Variants in THSD7A observed in about 807,000 individuals in gnomAD.
THSD7A encodes thrombospondin type-1 domain-containing protein 7A.
A neutral mutation model predicts 231.3 loss-of-function variants in THSD7A; 96 were observed. That is an observed-to-expected ratio of 0.41 (90% CI 0.35 to 0.49). The LOEUF (loss-of-function observed/expected upper bound fraction) is 0.49, where lower values mean the gene tolerates loss of function less well. THSD7A is among the 20% of genes least tolerant of loss of function. The probability of loss-of-function intolerance (pLI) is 0.05; values close to 1 mark genes in which losing one functional copy is unlikely to be tolerated. For missense variants in THSD7A, 2,290 were observed against 2,070.2 expected (o/e 1.11, Z -2.06); for synonymous variants, 940 against 743.3 (o/e 1.26, Z -4.30).
chr7:11,402,932 T>C (rs1783455471), intron 22 of THSD7A, among the ~76,000 whole-genome samples: 1 of 152,226 alleles, frequency 6.6e-6, no homozygotes, highest in African/African-American at 2.4e-5. Context: ...ACAAGTCTTT[T>C]GATGAACTTA....
intron 4 of THSD7A, among the ~76,000 whole-genome samples, chr7:11,589,505 A>C (rs1389913988): frequency 6.6e-6 from 1 of 152,122 alleles, no homozygotes; most frequent in Non-Finnish European, 1.5e-5. Context: ...CTCATTCTGA[A>C]ACTTGGTTGT....
At chr7:11,571,682 AT>A (rs1351502159) in intron 4 of THSD7A, among the ~76,000 whole-genome samples, 1 of 151,998 alleles carries the variant, frequency 6.6e-6, no homozygotes, top group Non-Finnish European at 1.5e-5. Context: ...TTTGAAGACT[AT>A]TTTCACCAAA....
chr7:11,695,247 A>G (rs1032476580), intron 1 of THSD7A, among the ~76,000 whole-genome samples: 1 of 151,562 alleles, frequency 6.6e-6, no homozygotes, highest in Non-Finnish European at 1.5e-5. Context: ...AAAACATAGT[A>G]TACCAAGAAT....
chr7:11,762,555 C>G (rs1379053978), intron 1 of THSD7A, among the ~76,000 whole-genome samples: 1 of 152,062 alleles, frequency 6.6e-6, no homozygotes, highest in Non-Finnish European at 1.5e-5. Context: ...TGTTCGTGTC[C>G]TTTGCCCACT....
intron 2 of THSD7A, among the ~76,000 whole-genome samples, chr7:11,600,795 A>G (rs776939526): frequency 3.9e-5 from 6 of 152,238 alleles, no homozygotes; most frequent in Admixed American, 3.3e-4. Context: ...CTCATGTTCA[A>G]TCTTCTTAAT....
intron 2 of THSD7A, among the ~76,000 whole-genome samples, chr7:11,620,723 A>G (rs939583371): frequency 3.3e-5 from 5 of 152,180 alleles, no homozygotes; most frequent in Admixed American, 1.3e-4. Context: ...ATATGAAAAA[A>G]CACATGCTTA....
intron 7 of THSD7A, among the ~76,000 whole-genome samples, chr7:11,480,106 T>C (rs1786361462): frequency 6.6e-6 from 1 of 152,226 alleles, no homozygotes. Context: ...TGATTTACTA[T>C]ATAAACATCT....
intron 1 of THSD7A, among the ~76,000 whole-genome samples, chr7:11,703,126 G>C (rs1780656709): frequency 6.6e-6 from 1 of 151,182 alleles, no homozygotes; most frequent in Admixed American, 6.6e-5. Flanking sequence ...AATGGCTCTT[G>C]CTTCAGTTTC....
chr7:11,756,682 T>G (rs1782688187), intron 1 of THSD7A, among the ~76,000 whole-genome samples: 1 of 152,110 alleles, frequency 6.6e-6, no homozygotes, highest in Non-Finnish European at 1.5e-5. Flanking sequence ...TGCATGGATT[T>G]GCTTGTTTCT....
At chr7:11,526,785 G>A (rs1365834815) in intron 6 of THSD7A, among the ~76,000 whole-genome samples, 1 of 152,026 alleles carries the variant, frequency 6.6e-6, no homozygotes, top group Non-Finnish European at 1.5e-5. Context: ...TCTGAGTGAG[G>A]CCTCTTCAGG....
At chr7:11,706,577 T>C (rs555549681) in intron 1 of THSD7A, among the ~76,000 whole-genome samples, 72 of 149,180 alleles carry the variant, frequency 4.8e-4, no homozygotes, top group African/African-American at 1.7e-3. Context: ...TTACTCTTTA[T>C]ATAATTTGCC....
At position 11,786,781 on chromosome 7, in the gene THSD7A, G is replaced by T. The variant is rs533632945; in HGVS notation, c.190+44976C>A. 2.2e-4 allele frequency among the ~76,000 whole-genome samples: 28 copies of T among 124,516 alleles called. No individual in the cohort carries two copies. The South Asian group carries it at 6.5e-3, about 29-fold the overall frequency. The allele number at this position is 124,516 out of a possible 152,430, so 81.7% of individuals were successfully genotyped here. A position where few individuals can be genotyped will look rare whatever the true frequency, so the allele number is the denominator to read the frequency against. On this transcript the variant is annotated intron_variant, in intron 1 of 27. Coordinates refer to ENST00000423059, the MANE Select transcript of THSD7A (RefSeq NM_015204.3). ...TAATAAAAAAAAAAAAAAAAAAAAAGAAAAACCAATGTAATGCTAGTAAAG... is the reference window on the plus strand; with the variant it reads ...TAATAAAAAAAAAAAAAAAAAAAAATAAAAACCAATGTAATGCTAGTAAAG...
intron 11 of THSD7A, among the ~76,000 whole-genome samples, chr7:11,449,228 C>G (rs1785069174): frequency 6.6e-6 from 1 of 152,054 alleles, no homozygotes; most frequent in Non-Finnish European, 1.5e-5. Context: ...TATATGAGAA[C>G]TACTGCTCTA....
chr7:11,434,584 T>C (rs1408446617), intron 13 of THSD7A, among the ~76,000 whole-genome samples: 1 of 152,114 alleles, frequency 6.6e-6, no homozygotes, highest in African/African-American at 2.4e-5. Flanking sequence ...GCTTCTGATT[T>C]ATAGCTGTGT....
At chr7:11,436,575 A>G in intron 13 of THSD7A, among the ~76,000 whole-genome samples, 1 of 152,050 alleles carries the variant, frequency 6.6e-6, no homozygotes, top group East Asian at 1.9e-4. Context: ...TTCACATAGC[A>G]TTTCACTGGA....
intron 4 of THSD7A, among the ~76,000 whole-genome samples, chr7:11,586,314 T>A (rs1562745581): frequency 6.6e-6 from 1 of 152,140 alleles, no homozygotes; most frequent in Non-Finnish European, 1.5e-5. Flanking sequence ...AAACATGAAA[T>A]CATTTTTCTT....
At chr7:11,730,609 T>G (rs924304122) in intron 1 of THSD7A, among the ~76,000 whole-genome samples, 1 of 151,688 alleles carries the variant, frequency 6.6e-6, no homozygotes, top group Non-Finnish European at 1.5e-5. Flanking sequence ...TTCTGCATCT[T>G]ACTCTCTTCA....
chr7:11,742,847 A>G (rs1265772450), intron 1 of THSD7A, among the ~76,000 whole-genome samples: 6 of 151,866 alleles, frequency 4.0e-5, no homozygotes, highest in Admixed American at 3.9e-4. Context: ...ACAGTAATTC[A>G]TACTTAATTA....
intron 1 of THSD7A, among the ~76,000 whole-genome samples, chr7:11,749,679 T>A (rs1413157139): frequency 6.6e-6 from 1 of 151,996 alleles, no homozygotes; most frequent in Non-Finnish European, 1.5e-5. Context: ...AAGTCCCTTG[T>A]AGGTATGCTT....
Sources: allele counts gnomAD v4.1 joint callset (sites outside exome capture counted in the v4.1 genomes callset), GRCh38; gene constraint gnomAD v4.1.1; transcripts MANE v1.5; gene names NCBI Gene and HGNC (gene_info 2026-07-23, HGNC 2026-07-21).